ARMH4: variants seen among roughly 807,000 people sequenced by gnomAD.
ARMH4 encodes the protein armadillo-like helical domain-containing protein 4.
A neutral mutation model predicts 61.9 loss-of-function variants in ARMH4; 49 were observed. That is an observed-to-expected ratio of 0.79 (90% confidence interval 0.63 to 1.00). The LOEUF is 1.00. Ranked by LOEUF, ARMH4 falls within the 50% of genes least tolerant of loss-of-function variation. The pLI, the probability that ARMH4 is intolerant of heterozygous loss-of-function variation, is 0.00. For synonymous variants in ARMH4, 368 were observed against 341.5 expected (o/e 1.08, Z -0.85); for missense variants, 934 against 930.0 (o/e 1.00, Z -0.06).
intron 5 of ARMH4, among the ~76,000 whole-genome samples, chr14:58,075,132 T>TA (rs1885005584): frequency 6.6e-6 from 1 of 152,124 alleles, no homozygotes; most frequent in Admixed American, 6.5e-5. Context: ...TGTGGAGAAA[T>TA]AGGAATGTTT....
At chr14:58,072,066 C>T (rs1413412862) in intron 5 of ARMH4, among the ~76,000 whole-genome samples, 1 of 152,148 alleles carries the variant, frequency 6.6e-6, no homozygotes, top group African/African-American at 2.4e-5. Context: ...ACTAATCTTG[C>T]TGTACTATAA....
chr14:58,074,212 T>C (rs544803744), intron 5 of ARMH4, among the ~76,000 whole-genome samples: 9 of 152,312 alleles, frequency 5.9e-5, no homozygotes, highest in South Asian at 4.1e-4. Context: ...ATGCAGCCAA[T>C]TGATTCTCAC....
At chr14:58,040,936 A>G (rs187462985) in intron 5 of ARMH4, among the ~76,000 whole-genome samples, 46 of 152,332 alleles carry the variant, frequency 3.0e-4, no homozygotes, top group African/African-American at 1.1e-3. Context: ...TCAGAAATGT[A>G]AAGTATCCTA....
Position 58,138,181 on chromosome 14 carries a change from G to C in ARMH4, c.1178C>G (p.Thr393Ser), listed in dbSNP as rs1291922203. 3 of 1,614,192 alleles carry C rather than the reference G, an allele frequency of 1.9e-6. No homozygotes were observed. In the South Asian group the frequency reaches 3.3e-5, roughly 18 times the overall value. Residue 393 changes from threonine (T) to serine (S), a missense_variant, in exon 2 of 8, where the codon ACT becomes AGT. By Grantham distance (58) the Thr-to-Ser change is moderately conservative. Coordinates refer to ENST00000267485, the MANE Select transcript of ARMH4 (RefSeq NM_001001872.4). ...AHGNERSPAF[T>S]DQSSFTPTSL... Reference sequence around the variant, plus strand: ...TGTGGGGGTAAAGGAACTTTGATCAGTGAAAGCAGGTGATCTCTCATTCCC... The same window carrying C: ...TGTGGGGGTAAAGGAACTTTGATCACTGAAAGCAGGTGATCTCTCATTCCC...
Position 58,075,868 on chromosome 14 carries a change from T to G in ARMH4, c.2089+20856A>C, listed in dbSNP as rs1250353142. Among the ~76,000 whole-genome samples the G allele has an allele frequency of 2.0e-5, 3 of 152,168 alleles. No homozygotes were observed. The East Asian group carries it at 5.8e-4, about 29-fold the overall frequency. ...AAACATTACCTTGAGCTTTAATTTG[T>G]TCATATGTAAAATGGAGAAAGTTTC... is the stretch of plus-strand genomic sequence containing the variant. On this transcript the variant is annotated intron_variant, in intron 5 of 7. Coordinates refer to ENST00000267485, the MANE Select transcript of ARMH4 (RefSeq NM_001001872.4).
In ARMH4 at chr14:58,002,411, G is replaced by A. The variant is rs1317871470; in HGVS notation, c.*2325C>T. The A allele has an allele frequency of 1.3e-5, 2 of 152,176 alleles. No homozygotes were observed. The highest frequency in any genetic ancestry group is 2.4e-5 in the African/African-American group (1 of 41,436). 9.4% of individuals were successfully genotyped at this position (152,176 alleles called of 1,614,324 possible). ...TCCCAAAAAGGACCACAGAGATACT[G>A]TGTTAAGCCAAAATTCACATACATG... is the stretch of plus-strand genomic sequence containing the variant. On this transcript the variant is annotated 3_prime_UTR_variant, in exon 8 of 8. Transcript: ENST00000267485.
intron 2 of ARMH4, among the ~76,000 whole-genome samples, chr14:58,135,957 A>G (rs1887287615): frequency 6.6e-6 from 1 of 152,104 alleles, no homozygotes; most frequent in Non-Finnish European, 1.5e-5. Flanking sequence ...CAAAAAAAAA[A>G]GTAAAACAAA....
chr14:58,040,756 G>A (rs1490609224), intron 5 of ARMH4, among the ~76,000 whole-genome samples: 2 of 152,146 alleles, frequency 1.3e-5, no homozygotes, highest in Non-Finnish European at 2.9e-5. Flanking sequence ...ATTTTGTCTG[G>A]TGCATTGTTT....
intron 5 of ARMH4, among the ~76,000 whole-genome samples, chr14:58,032,849 TAACA>T (rs1223621567): frequency 2.0e-5 from 3 of 151,994 alleles, no homozygotes; most frequent in African/African-American, 7.2e-5. Flanking sequence ...CAGACCGGCT[TAACA>T]AACGGCGCAC....
intron 5 of ARMH4, among the ~76,000 whole-genome samples, chr14:58,017,890 T>C (rs1882674161): frequency 6.6e-6 from 1 of 151,744 alleles, no homozygotes; most frequent in Admixed American, 6.6e-5. Flanking sequence ...ATATATTACA[T>C]AACCAAAACA....
At chr14:58,112,852 T>C (rs1886398529) in intron 4 of ARMH4, among the ~76,000 whole-genome samples, 1 of 152,168 alleles carries the variant, frequency 6.6e-6, no homozygotes, top group African/African-American at 2.4e-5. Context: ...AGTCTAAATT[T>C]TGTTCCTTTG....
Position 58,004,726 on chromosome 14 carries a change from C to A in ARMH4, c.*10G>T. 6.3e-7 allele frequency: 1 copy of A among 1,598,062 alleles called. No individual in the cohort carries two copies. The highest frequency in any genetic ancestry group is 8.6e-7 in the Non-Finnish European group (1 of 1,167,072). On this transcript the variant is annotated 3_prime_UTR_variant, in exon 8 of 8. Transcript: ENST00000267485. ...CATCGTTGAATATCCCAATTAAAAC[C>A]CAGTCCAATTCAAAATTCATCTTCA...
chr14:58,079,047 T>C (rs1566570270), intron 5 of ARMH4, among the ~76,000 whole-genome samples: 1 of 152,226 alleles, frequency 6.6e-6, no homozygotes, highest in Non-Finnish European at 1.5e-5. Flanking sequence ...TTGCAGCTAT[T>C]TTGAGACCAT....
At chr14:58,121,964 G>A (rs1292543987) in intron 4 of ARMH4, among the ~76,000 whole-genome samples, 1 of 152,196 alleles carries the variant, frequency 6.6e-6, no homozygotes, top group Non-Finnish European at 1.5e-5. Flanking sequence ...CCAGCATTGA[G>A]TTCAAATCAA....
intron 5 of ARMH4, among the ~76,000 whole-genome samples, chr14:58,071,086 T>G (rs1176416524): frequency 6.6e-6 from 1 of 151,476 alleles, no homozygotes; most frequent in Non-Finnish European, 1.5e-5. Context: ...GAAAAATAAA[T>G]GTTCTTTTGG....
At chr14:58,126,048 T>C (rs1886885459) in intron 4 of ARMH4, among the ~76,000 whole-genome samples, 1 of 152,138 alleles carries the variant, frequency 6.6e-6, no homozygotes, top group Non-Finnish European at 1.5e-5. Flanking sequence ...GATCGGGATA[T>C]AAACCCAGGC....
chr14:58,133,238 A>T lies in ARMH4; in HGVS notation c.1473T>A (p.Ser491Arg), dbSNP rs775445672. ...QVATLELIRD[S>R]GKTEEEKEDP... ...CCTCCTTTTCTTCCTCAGTCTTGCC[A>T]CTGTCTCTGATAAGCTCGAGGGTAG... The change falls in exon 3 of 8, where the codon AGT (serine) becomes AGA (arginine). Residue 491 changes from serine (S) to arginine (R), a missense_variant. By Grantham distance (110) the Ser-to-Arg change is moderately radical. Transcript: ENST00000267485. 1.2e-6 allele frequency: 2 copies of T among 1,614,034 alleles called. No homozygotes were observed. Among genetic ancestry groups the T allele is most frequent in the South Asian group, 1.1e-5 (1 of 91,082 alleles).
chr14:58,129,790 A>C (rs1832083315), intron 4 of ARMH4, among the ~76,000 whole-genome samples: 1 of 152,230 alleles, frequency 6.6e-6, no homozygotes, highest in South Asian at 2.1e-4. Flanking sequence ...ACGAGTAAAA[A>C]TGTGCTAATT....
intron 5 of ARMH4, among the ~76,000 whole-genome samples, chr14:58,073,629 T>C (rs1348378760): frequency 6.6e-6 from 1 of 152,266 alleles, no homozygotes; most frequent in Admixed American, 6.5e-5. Context: ...CCTTGCAATC[T>C]ACTTTTAGAC....
Sources: gnomAD v4.1 joint callset for allele counts (sites outside exome capture counted in the v4.1 genomes callset) on GRCh38, gnomAD v4.1.1 for gene constraint, MANE v1.5 for transcripts, NCBI Gene and HGNC (gene_info 2026-07-23, HGNC 2026-07-21) for gene names.